PTPRG: variants seen among roughly 807,000 people sequenced by gnomAD.
PTPRG encodes the protein protein tyrosine phosphatase receptor type G.
In PTPRG, 102 loss-of-function variants were observed where a neutral mutation model predicts 165.3. That is an observed-to-expected ratio of 0.62 (90% CI 0.53 to 0.73). The LOEUF (loss-of-function observed/expected upper bound fraction) is 0.73, where lower values mean the gene tolerates loss of function less well. Among genes scored for constraint, PTPRG ranks in the 30% least tolerant of loss-of-function variants. The probability of loss-of-function intolerance (pLI) is 0.00; values close to 1 mark genes in which losing one functional copy is unlikely to be tolerated. For missense variants in PTPRG, 1,866 were observed against 1,861.4 expected, an observed-to-expected ratio of 1.00 and a Z score of -0.05; for synonymous variants, 675 against 669.5, an observed-to-expected ratio of 1.01 and a Z score of -0.13.
chr3:61,707,304 A>C (rs1027865293), intron 1 of PTPRG, among the ~76,000 whole-genome samples: 1 of 152,344 alleles, frequency 6.6e-6, no homozygotes, highest in South Asian at 2.1e-4. Context: ...AACGGGATCT[A>C]TATGGAGAGA....
intron 2 of PTPRG, among the ~76,000 whole-genome samples, chr3:61,907,104 T>C (rs2038676007): frequency 6.6e-6 from 1 of 152,148 alleles, no homozygotes; most frequent in African/African-American, 2.4e-5. Flanking sequence ...TCTGTCACAG[T>C]ATGCTACTTA....
chr3:61,959,651 C>G lies in PTPRG; in HGVS notation c.191-29974C>G, dbSNP rs539053026. Among the ~76,000 whole-genome samples the G allele has an allele frequency of 7.9e-5, 12 of 152,312 alleles. 1 individual carries two copies. The South Asian group carries it at 2.5e-3, about 32-fold the overall frequency. ...TTGGTATCTGCATGCAACTGTGCCG[C>G]TCAAAGGTGCTGGAGAATGACTAAT... On this transcript the variant is annotated intron_variant, in intron 2 of 29. Transcript: ENST00000474889.
intron 1 of PTPRG, among the ~76,000 whole-genome samples, chr3:61,677,533 T>C (rs568724089): frequency 6.6e-6 from 1 of 152,214 alleles, no homozygotes; most frequent in African/African-American, 2.4e-5. Context: ...GTGATGAATT[T>C]TTGGTAGATG....
At position 62,293,295 on chromosome 3, in the gene PTPRG, G is replaced by A. The variant is rs1456017826; in HGVS notation, c.4326G>A (p.Glu1442=). 5.1e-6 allele frequency: 8 copies of A among 1,573,868 alleles called. No homozygotes were observed. The highest frequency in any genetic ancestry group is 2.3e-5 in the East Asian group (1 of 44,188). ...ADESDPAESM[E]SLV ...AATCAGACCCTGCTGAGAGCATGGA[G>A]TCCCTAGTGTGACTGGAATCCTGAA... is the stretch of plus-strand genomic sequence containing the variant. The change falls in exon 30 of 30, where the codon GAG becomes GAA. Residue 1442 remains glutamate (E), a synonymous_variant. Coordinates refer to ENST00000474889, the MANE Select transcript of PTPRG (RefSeq NM_002841.4).
chr3:61,834,385 G>C (rs2036398598), intron 2 of PTPRG, among the ~76,000 whole-genome samples: 1 of 152,060 alleles, frequency 6.6e-6, no homozygotes, highest in South Asian at 2.1e-4. Context: ...GTTTGCTGTT[G>C]AGCTTAATTG....
At chr3:62,055,894 G>T (rs1377315719) in intron 4 of PTPRG, among the ~76,000 whole-genome samples, 1 of 152,152 alleles carries the variant, frequency 6.6e-6, no homozygotes, top group Admixed American at 6.5e-5. Flanking sequence ...CAAAGACCCT[G>T]TTTATAAATT....
intron 15 of PTPRG, among the ~76,000 whole-genome samples, chr3:62,247,796 G>A (rs1267157042): frequency 1.3e-5 from 2 of 152,146 alleles, no homozygotes; most frequent in Non-Finnish European, 2.9e-5. Context: ...CAAAGCATAC[G>A]TGGAATCAGT....
At chr3:61,843,910 A>C (rs532604213) in intron 2 of PTPRG, among the ~76,000 whole-genome samples, 2 of 151,192 alleles carry the variant, frequency 1.3e-5, no homozygotes, top group Non-Finnish European at 2.9e-5. Flanking sequence ...GTAAAATAAT[A>C]TTATAGTTTA....
chr3:61,598,148 A>G (rs1260724156), intron 1 of PTPRG, among the ~76,000 whole-genome samples: 2 of 152,176 alleles, frequency 1.3e-5, no homozygotes, highest in Non-Finnish European at 2.9e-5. Context: ...TGCCAACACC[A>G]TCTTGATTCT....
intron 28 of PTPRG, 136 bp from the exon 29 acceptor site, chr3:62,292,285 T>A (rs1292326742): frequency 1.8e-5 from 18 of 985,784 alleles, no homozygotes; most frequent in Non-Finnish European, 2.6e-5. Flanking sequence ...CACCAGCATT[T>A]CATTCAGTCG....
chr3:61,883,683 G>C (rs995997155), intron 2 of PTPRG, among the ~76,000 whole-genome samples: 1 of 152,090 alleles, frequency 6.6e-6, no homozygotes, highest in South Asian at 2.1e-4. Context: ...GGTTGAAATA[G>C]TTACCTTGTC....
At chr3:61,609,445 T>C (rs1185066015) in intron 1 of PTPRG, among the ~76,000 whole-genome samples, 1 of 152,366 alleles carries the variant, frequency 6.6e-6, no homozygotes, top group East Asian at 1.9e-4. Context: ...CTGAGTTGTA[T>C]GTGGTATCAT....
At chr3:61,836,157 C>T (rs2107312639) in intron 2 of PTPRG, among the ~76,000 whole-genome samples, 1 of 146,898 alleles carries the variant, frequency 6.8e-6, no homozygotes, top group East Asian at 2.0e-4. Context: ...GCTCTTTGTT[C>T]TTACAGCTAT....
chr3:62,244,149 G>A (rs1448625120), intron 15 of PTPRG, among the ~76,000 whole-genome samples: 3 of 152,230 alleles, frequency 2.0e-5, no homozygotes, highest in Admixed American at 2.0e-4. Context: ...AATTTCATTT[G>A]CATAGGCAAT....
intron 4 of PTPRG, among the ~76,000 whole-genome samples, chr3:62,019,522 CAAAAAA>C (rs57682254): frequency 3.2e-5 from 3 of 93,896 alleles, no homozygotes; most frequent in Non-Finnish European, 6.7e-5. Context: ...GACCCCATCT[CAAAAAA>C]AAAAAAAAAA....
chr3:61,669,949 T>C (rs776599384), intron 1 of PTPRG, among the ~76,000 whole-genome samples: 8 of 152,120 alleles, frequency 5.3e-5, no homozygotes, highest in Non-Finnish European at 7.4e-5. Context: ...GGTAGGGTGG[T>C]TGAGTTTCAG....
At chr3:61,913,855 G>A (rs1027244952) in intron 2 of PTPRG, among the ~76,000 whole-genome samples, 2 of 152,188 alleles carry the variant, frequency 1.3e-5, no homozygotes, top group African/African-American at 2.4e-5. Context: ...AGTTTTGTCT[G>A]ATGCTTTCTT....
chr3:61,947,035 C>T (rs1427151353), intron 2 of PTPRG, among the ~76,000 whole-genome samples: 1 of 152,102 alleles, frequency 6.6e-6, no homozygotes, highest in Non-Finnish European at 1.5e-5. Context: ...TTTCCAGCAG[C>T]GATGTAATCC....
At chr3:62,110,470 A>T (rs1343645067) in intron 5 of PTPRG, among the ~76,000 whole-genome samples, 3 of 152,076 alleles carry the variant, frequency 2.0e-5, no homozygotes, top group Non-Finnish European at 4.4e-5. Context: ...CCATAATATG[A>T]AGGCATTTAT....
Sources: gnomAD v4.1 joint callset for allele counts (sites outside exome capture counted in the v4.1 genomes callset) on GRCh38, gnomAD v4.1.1 for gene constraint, MANE v1.5 for transcripts, NCBI Gene and HGNC (gene_info 2026-07-23, HGNC 2026-07-21) for gene names.